The following DPY19L4 variants were observed in gnomAD, a reference collection of about 807,000 sequenced individuals.
DPY19L4 encodes the protein dpy-19 like 4.
In DPY19L4, 97 loss-of-function variants were observed where a neutral mutation model predicts 102.8. That is an observed-to-expected ratio of 0.94 (90% CI 0.80 to 1.12). The LOEUF (loss-of-function observed/expected upper bound fraction) is 1.12. DPY19L4 is among the 50% of genes most tolerant of loss of function. DPY19L4 has a pLI of 0.00. For synonymous variants in DPY19L4, 252 were observed against 283.1 expected, an observed-to-expected ratio of 0.89 and a Z score of 1.10; for missense variants, 815 against 850.4, an observed-to-expected ratio of 0.96 and a Z score of 0.52.
chr8:94,733,010 C>T (rs951176834), intron 2 of DPY19L4, among the ~76,000 whole-genome samples: 6 of 149,622 alleles, frequency 4.0e-5, no homozygotes, highest in Admixed American at 3.3e-4. Context: ...GACATGGTTT[C>T]ACCATGTTAC....
Position 94,793,286 on chromosome 8 carries a change from G to C in DPY19L4, c.*3376G>C, listed in dbSNP as rs546503747. The C allele has an allele frequency of 1.3e-5, 2 of 152,168 alleles. No homozygotes were observed. The highest frequency in any genetic ancestry group is 4.8e-5 in the African/African-American group (2 of 41,444). The allele number at this position is 152,168 out of a possible 1,614,324, so 9.4% of individuals were successfully genotyped here. A position where few individuals can be genotyped will look rare whatever the true frequency, so the allele number is the denominator to read the frequency against. Reference sequence around the variant, plus strand: ...AAATAGATTTAATTTCTTACACTGTGAATAGCCATTGTATTGTTTTGTTTC... The same window carrying C: ...AAATAGATTTAATTTCTTACACTGTCAATAGCCATTGTATTGTTTTGTTTC... On this transcript the variant is annotated 3_prime_UTR_variant, in exon 19 of 19. Transcript: ENST00000414645.
intron 2 of DPY19L4, among the ~76,000 whole-genome samples, chr8:94,729,401 A>T (rs1395353375): frequency 6.6e-6 from 1 of 150,384 alleles, no homozygotes; most frequent in Admixed American, 6.7e-5. Context: ...ATTTAAACTT[A>T]GGCAATATAG....
intron 1 of DPY19L4, among the ~76,000 whole-genome samples, chr8:94,724,046 G>C (rs139037402): frequency 6.6e-6 from 1 of 152,206 alleles, no homozygotes; most frequent in African/African-American, 2.4e-5. Flanking sequence ...CCTGTAAAGC[G>C]ATTTATTTGA....
At chr8:94,768,195 G>A (rs958980006) in intron 11 of DPY19L4, among the ~76,000 whole-genome samples, 200 bp from the exon 12 acceptor site, 1 of 152,124 alleles carries the variant, frequency 6.6e-6, no homozygotes, top group African/African-American at 2.4e-5. Context: ...ATTTATTAGA[G>A]CAGTTTTGGT....
intron 2 of DPY19L4, among the ~76,000 whole-genome samples, chr8:94,728,009 A>T (rs1313429108): frequency 6.6e-6 from 1 of 151,656 alleles, no homozygotes; most frequent in Non-Finnish European, 1.5e-5. Context: ...TCACCCAGGC[A>T]GGAGTGCCAT....
At chr8:94,720,049 C>G (rs1402751099) in intron 1 of DPY19L4, 35 bp downstream of exon 1, 2 of 1,522,334 alleles carry the variant, frequency 1.3e-6, no homozygotes, top group East Asian at 5.3e-5. Flanking sequence ...CCAACGGCTG[C>G]CAGTGGTCTC....
chr8:94,722,858 C>T (rs1810528194), intron 1 of DPY19L4, among the ~76,000 whole-genome samples: 1 of 152,124 alleles, frequency 6.6e-6, no homozygotes, highest in South Asian at 2.1e-4. Context: ...TCTTCATTGT[C>T]CAAGTAAATA....
intron 3 of DPY19L4, among the ~76,000 whole-genome samples, chr8:94,735,075 G>C (rs1357401240): frequency 6.6e-6 from 1 of 152,122 alleles, no homozygotes; most frequent in Non-Finnish European, 1.5e-5. Flanking sequence ...GGAAGTTTTA[G>C]TATTAAAATA....
At chr8:94,725,161 T>C (rs1300769130) in intron 1 of DPY19L4, among the ~76,000 whole-genome samples, 1 of 152,232 alleles carries the variant, frequency 6.6e-6, no homozygotes, top group Non-Finnish European at 1.5e-5. Flanking sequence ...CATTTCTCCT[T>C]CTTTGACTTT....
rs1813536976 is a variant in DPY19L4, at chr8:94,783,795, A to T, written c.1841A>T (p.Asn614Ile). The change falls in exon 17 of 19, where the codon AAT becomes ATT. Residue 614 changes from asparagine to isoleucine, a missense_variant. Coordinates refer to ENST00000414645, the MANE Select transcript of DPY19L4 (RefSeq NM_181787.3). Reference sequence around the variant, plus strand: ...AATGATGATGATCTTCTCAAGAGAAATGAAAATGTAAGACATTTTAAATTC... The same window carrying T: ...AATGATGATGATCTTCTCAAGAGAATTGAAAATGTAAGACATTTTAAATTC... ...LYNDDDLLKRNENIYQIYSKR... is the reference protein window; with the variant it reads ...LYNDDDLLKRIENIYQIYSKR... 8 of 1,613,750 alleles carry T rather than the reference A, an allele frequency of 5.0e-6. No individual in the cohort carries two copies. Among genetic ancestry groups the T allele is most frequent in the Non-Finnish European group, 6.8e-6 (8 of 1,179,906 alleles).
Position 94,719,971 on chromosome 8 carries a change from G to T in DPY19L4, c.-28G>T. ...GGAGAGTCTGGGCCGCGCGGGAGCC[G>T]CAGGGCGCCCTAGCCTTCGCAGAAA... On this transcript the variant is annotated 5_prime_UTR_variant, in exon 1 of 19. Coordinates refer to ENST00000414645, the MANE Select transcript of DPY19L4 (RefSeq NM_181787.3). The T allele has an allele frequency of 6.6e-7, 1 of 1,510,000 alleles. No individual in the cohort carries two copies. The highest frequency in any genetic ancestry group is 1.3e-5 in the South Asian group (1 of 79,994). 93.5% of individuals were successfully genotyped at this position (1,510,000 alleles called of 1,614,324 possible).
At chr8:94,741,318 T>G (rs574290900) in intron 6 of DPY19L4, among the ~76,000 whole-genome samples, 1 of 152,240 alleles carries the variant, frequency 6.6e-6, no homozygotes, top group East Asian at 1.9e-4. Flanking sequence ...TTTTTACCAT[T>G]AAGCATTTAC....
intron 6 of DPY19L4, among the ~76,000 whole-genome samples, chr8:94,750,490 G>A (rs187413382): frequency 6.6e-6 from 1 of 152,274 alleles, no homozygotes; most frequent in East Asian, 1.9e-4. Flanking sequence ...TCTAGGCACT[G>A]CTAACTTCCT....
intron 1 of DPY19L4, among the ~76,000 whole-genome samples, chr8:94,721,966 G>A (rs1215610796): frequency 6.6e-6 from 1 of 151,994 alleles, no homozygotes; most frequent in African/African-American, 2.4e-5. Flanking sequence ...AAAATCAGCC[G>A]GGTGGAGTGG....
intron 6 of DPY19L4, among the ~76,000 whole-genome samples, chr8:94,753,381 C>T (rs528654924): frequency 6.6e-6 from 1 of 152,176 alleles, no homozygotes; most frequent in Admixed American, 6.5e-5. Flanking sequence ...CAACGGAGAT[C>T]CTTGATTTTT....
chr8:94,741,332 A>G (rs1051872121), intron 6 of DPY19L4, among the ~76,000 whole-genome samples: 4 of 151,794 alleles, frequency 2.6e-5, no homozygotes, highest in Non-Finnish European at 5.9e-5. Flanking sequence ...CATTTACCTA[A>G]CAGTTGTAAC....
At chr8:94,762,766 G>A (rs1007450137) in intron 8 of DPY19L4, among the ~76,000 whole-genome samples, 1 of 152,056 alleles carries the variant, frequency 6.6e-6, no homozygotes, top group Admixed American at 6.6e-5. Flanking sequence ...ACTGGGTGGG[G>A]TGGGGGCTGA....
chr8:94,726,577 C>T, intron 2 of DPY19L4, 136 bp downstream of exon 2: 1 of 634,872 alleles, frequency 1.6e-6, no homozygotes, highest in Non-Finnish European at 2.6e-6. Context: ...TTGGACAACC[C>T]CCAAATCTCA....
intron 17 of DPY19L4, among the ~76,000 whole-genome samples, chr8:94,785,095 T>G (rs890576421): frequency 2.0e-5 from 3 of 152,182 alleles, no homozygotes; most frequent in Non-Finnish European, 4.4e-5. Context: ...GAAATTTGAG[T>G]ACCTGAACCC....
Sources: allele counts gnomAD v4.1 joint callset (sites outside exome capture counted in the v4.1 genomes callset), GRCh38; gene constraint gnomAD v4.1.1; transcripts MANE v1.5; gene names NCBI Gene and HGNC (gene_info 2026-07-23, HGNC 2026-07-21).